RALYL: variants seen among roughly 807,000 people sequenced by gnomAD.
RALYL encodes RALY RNA binding protein like.
RALYL carries 29 observed loss-of-function variants against 35.1 expected under a neutral mutation model. The observed-to-expected ratio is 0.83, with a 90% confidence interval of 0.61 to 1.13. The LOEUF is 1.13. Among genes scored for constraint, RALYL ranks in the 50% most tolerant of loss-of-function variants. RALYL has a pLI of 0.00. For missense variants in RALYL, 359 were observed against 360.4 expected (o/e 1.00, Z 0.03); for synonymous variants, 120 against 127.6 (o/e 0.94, Z 0.40).
chr8:84,185,075 CT>C, intron 1 of RALYL: 1 of 1,567,696 alleles, frequency 6.4e-7, no homozygotes, highest in Non-Finnish European at 8.8e-7. Flanking sequence ...GGGATGCTGT[CT>C]TTGGATCTTT....
intron 2 of RALYL, among the ~76,000 whole-genome samples, chr8:84,575,977 A>G (rs1268568976): frequency 6.6e-6 from 1 of 151,542 alleles, no homozygotes; most frequent in African/African-American, 2.4e-5. Context: ...AAAAAAAAAA[A>G]GGAATGACAA....
chr8:84,367,267 C>T (rs1403668719), intron 1 of RALYL, among the ~76,000 whole-genome samples: 3 of 143,138 alleles, frequency 2.1e-5, no homozygotes, highest in Non-Finnish European at 4.5e-5. Flanking sequence ...TCCCGAGTAA[C>T]TGGGATGCTG....
intron 1 of RALYL, among the ~76,000 whole-genome samples, chr8:84,332,770 C>T (rs1289677131): frequency 1.3e-5 from 2 of 151,924 alleles, no homozygotes; most frequent in Non-Finnish European, 1.5e-5. Flanking sequence ...GGAAGTATGC[C>T]CAGATAGTGG....
chr8:84,184,955 G>A (rs1812116013), intron 1 of RALYL: 1 of 1,612,944 alleles, frequency 6.2e-7, no homozygotes, highest in Admixed American at 1.7e-5. Context: ...CCTTGAGGAT[G>A]GCACCGGCCC....
At chr8:84,706,481 G>A (rs1025907082) in intron 2 of RALYL, among the ~76,000 whole-genome samples, 1 of 152,052 alleles carries the variant, frequency 6.6e-6, no homozygotes, top group Non-Finnish European at 1.5e-5. Flanking sequence ...CAACTCTTAG[G>A]GAGTAGAAAG....
intron 2 of RALYL, among the ~76,000 whole-genome samples, chr8:84,689,361 G>T (rs1230725160): frequency 6.6e-6 from 1 of 152,110 alleles, no homozygotes; most frequent in African/African-American, 2.4e-5. Flanking sequence ...AGTTTACTGA[G>T]AATGATGATT....
At chr8:84,485,654 T>A (rs898435390) in intron 1 of RALYL, among the ~76,000 whole-genome samples, 1 of 152,142 alleles carries the variant, frequency 6.6e-6, no homozygotes. Context: ...ATCTCTCAGT[T>A]GATGGCAATT....
At chr8:84,901,520 A>G (rs1405387722) in intron 8 of RALYL, among the ~76,000 whole-genome samples, 2 of 152,192 alleles carry the variant, frequency 1.3e-5, no homozygotes, top group East Asian at 3.9e-4. Context: ...GAGAGGGACT[A>G]CTGCAATAGG....
chr8:84,218,331 A>C (rs1821334382), intron 1 of RALYL, among the ~76,000 whole-genome samples: 1 of 152,044 alleles, frequency 6.6e-6, no homozygotes. Context: ...GATGTCTTGC[A>C]GAATGATGAC....
At chr8:84,528,020 A>G in intron 1 of RALYL, among the ~76,000 whole-genome samples, 1 of 152,170 alleles carries the variant, frequency 6.6e-6, no homozygotes, top group South Asian at 2.1e-4. Flanking sequence ...ATGCATAATA[A>G]GTACATTTTC....
At chr8:84,811,768 T>C (rs536490651) in intron 4 of RALYL, among the ~76,000 whole-genome samples, 1 of 152,348 alleles carries the variant, frequency 6.6e-6, no homozygotes, top group South Asian at 2.1e-4. Flanking sequence ...GCCTTGTCTT[T>C]GAACTTCAAA....
intron 2 of RALYL, among the ~76,000 whole-genome samples, chr8:84,663,663 G>T (rs933230669): frequency 6.6e-6 from 1 of 151,864 alleles, no homozygotes; most frequent in African/African-American, 2.4e-5. Flanking sequence ...TTTTTAATGG[G>T]GTTGTTTTTT....
intron 2 of RALYL, among the ~76,000 whole-genome samples, chr8:84,706,903 G>T (rs1841318816): frequency 6.6e-6 from 1 of 151,966 alleles, no homozygotes; most frequent in African/African-American, 2.4e-5. Flanking sequence ...GCCCAAAATG[G>T]TCTGTCACTG....
At chr8:84,374,374 A>G (rs942706342) in intron 1 of RALYL, among the ~76,000 whole-genome samples, 1 of 151,950 alleles carries the variant, frequency 6.6e-6, no homozygotes, top group Non-Finnish European at 1.5e-5. Context: ...ATTTTGAAAT[A>G]TGTTCCATCA....
intron 8 of RALYL, among the ~76,000 whole-genome samples, chr8:84,891,491 C>T (rs1843836867): frequency 6.6e-6 from 1 of 152,142 alleles, no homozygotes; most frequent in Admixed American, 6.6e-5. Context: ...TAAATCCAAA[C>T]CATGGTATCT....
chr8:84,848,012 T>C (rs2134744588), intron 4 of RALYL, among the ~76,000 whole-genome samples: 1 of 152,330 alleles, frequency 6.6e-6, no homozygotes, highest in South Asian at 2.1e-4. Flanking sequence ...ATAAGGTTAT[T>C]TCAGTTAACA....
intron 2 of RALYL, among the ~76,000 whole-genome samples, chr8:84,694,792 C>A (rs1249234117): frequency 6.6e-6 from 1 of 151,746 alleles, no homozygotes; most frequent in Non-Finnish European, 1.5e-5. Flanking sequence ...ATGATATGTT[C>A]TAATCTAACC....
chr8:84,231,148 C>G (rs1457862029), intron 1 of RALYL, among the ~76,000 whole-genome samples: 1 of 152,144 alleles, frequency 6.6e-6, no homozygotes, highest in African/African-American at 2.4e-5. Context: ...AAGTCGTATC[C>G]TTTCTACTTA....
chr8:84,478,379 G>A (rs2053654949), intron 1 of RALYL, among the ~76,000 whole-genome samples: 1 of 152,250 alleles, frequency 6.6e-6, no homozygotes, highest in Non-Finnish European at 1.5e-5. Flanking sequence ...AGTATAATGT[G>A]CTCTGACAGA....
Sources: allele counts gnomAD v4.1 joint callset (sites outside exome capture counted in the v4.1 genomes callset), GRCh38; gene constraint gnomAD v4.1.1; transcripts MANE v1.5; gene names NCBI Gene and HGNC (gene_info 2026-07-23, HGNC 2026-07-21).